Variants in CXCL17 observed in about 807,000 individuals in gnomAD.
CXCL17 encodes the protein C-X-C motif chemokine ligand 17, also known as C-X-C motif chemokine 17.
A neutral mutation model predicts 15.5 loss-of-function variants in CXCL17; 9 were observed. The observed-to-expected ratio is 0.58, with a 90% CI of 0.35 to 1.01. The LOEUF (loss-of-function observed/expected upper bound fraction) is 1.01. Among genes scored for constraint, CXCL17 ranks in the 50% least tolerant of loss-of-function variants. The pLI is 0.02. For synonymous variants in CXCL17, 52 were observed against 52.3 expected, an observed-to-expected ratio of 0.99 and a Z score of 0.02; for missense variants, 133 against 138.2, an observed-to-expected ratio of 0.96 and a Z score of 0.19.
chr19:42,433,432 T>A (rs2040803117), intron 2 of CXCL17, among the ~76,000 whole-genome samples: 1 of 152,212 alleles, frequency 6.6e-6, no homozygotes, highest in Non-Finnish European at 1.5e-5. Context: ...GCTTTCAGTC[T>A]TGCCTGTGAG....
Position 42,432,306 on chromosome 19 carries a change from C to T in CXCL17, c.262+670G>A, listed in dbSNP as rs147697219. Among the ~76,000 whole-genome samples the T allele has an allele frequency of 5.4e-3, 822 of 151,804 alleles. 7 individuals are homozygous for T. Among genetic ancestry groups the T allele is most frequent in the African/African-American group, 0.019 (769 of 41,416 alleles). On this transcript the variant is annotated intron_variant, in intron 3 of 3. Coordinates refer to ENST00000601181, the MANE Select transcript of CXCL17 (RefSeq NM_198477.3). ...ATTACAGGCATGCACCACTATGCCCCGCTAATTTTTGTATTTTTAGTAGAG... is the reference window on the plus strand; with the variant it reads ...ATTACAGGCATGCACCACTATGCCCTGCTAATTTTTGTATTTTTAGTAGAG...
At chr19:42,432,142 T>G (rs74935566) in intron 3 of CXCL17, among the ~76,000 whole-genome samples, 2 of 19,934 alleles carry the variant, frequency 1.0e-4, no homozygotes, top group Non-Finnish European at 1.6e-4. Context: ...GCCAATTTAG[T>G]TTTTTTTTTT....
intron 3 of CXCL17, among the ~76,000 whole-genome samples, chr19:42,432,355 G>A (rs1419098134): frequency 6.6e-6 from 1 of 151,922 alleles, no homozygotes; most frequent in African/African-American, 2.4e-5. Context: ...ATGTTGGCCA[G>A]GCTGGTCTTG....
chr19:42,434,780 T>C (rs1291830069), intron 1 of CXCL17, among the ~76,000 whole-genome samples: 3 of 152,248 alleles, frequency 2.0e-5, no homozygotes, highest in Middle Eastern at 6.8e-3. Context: ...TAAACGATGG[T>C]ATTTACCTTT....
At chr19:42,438,336 C>T (rs113326523) in intron 1 of CXCL17, among the ~76,000 whole-genome samples, 8,149 of 101,994 alleles carry the variant, frequency 0.08, 965 homozygotes, top group African/African-American at 0.29. Context: ...CCAGCCTGGG[C>T]GACAAGAGAC....
chr19:42,429,337 A>AT (rs1047045603), intron 3 of CXCL17, among the ~76,000 whole-genome samples: 3 of 136,808 alleles, frequency 2.2e-5, no homozygotes, highest in Non-Finnish European at 4.7e-5. Flanking sequence ...TTCACATTTA[A>AT]TTTTTTTTTG....
intron 3 of CXCL17, among the ~76,000 whole-genome samples, chr19:42,431,689 A>T (rs1035387577): frequency 8.7e-5 from 13 of 149,248 alleles, no homozygotes; most frequent in African/African-American, 1.5e-4. Flanking sequence ...TATTATTATT[A>T]TTTTTATTAT....
At chr19:42,434,589 TG>T (rs2040814836) in intron 1 of CXCL17, among the ~76,000 whole-genome samples, 1 of 152,018 alleles carries the variant, frequency 6.6e-6, no homozygotes, top group African/African-American at 2.4e-5. Flanking sequence ...CCACCACTCC[TG>T]GCTAGTTTTT....
intron 1 of CXCL17, among the ~76,000 whole-genome samples, chr19:42,435,754 C>T (rs989967367): frequency 2.0e-5 from 3 of 151,040 alleles, no homozygotes; most frequent in Non-Finnish European, 4.4e-5. Context: ...TGCTTGAACC[C>T]GGGAGGCAAA....
chr19:42,432,840 A>G (rs1423270125), intron 3 of CXCL17, 136 bp downstream of exon 3: 1 of 685,108 alleles, frequency 1.5e-6, no homozygotes, highest in Non-Finnish European at 2.6e-6. Context: ...ACAAGGTGAC[A>G]TTGAGTAGAA....
intron 1 of CXCL17, 118 bp downstream of exon 1, chr19:42,442,636 G>A (rs1366327544): frequency 1.5e-6 from 1 of 687,790 alleles, no homozygotes; most frequent in Non-Finnish European, 2.5e-6. Context: ...AACTGGCATT[G>A]AGAAAGGCTC....
At chr19:42,438,406 A>AT (rs1491327567) in intron 1 of CXCL17, among the ~76,000 whole-genome samples, 38 of 107,098 alleles carry the variant, frequency 3.5e-4, no homozygotes, top group African/African-American at 1.5e-3. Flanking sequence ...ATATATATAT[A>AT]AAATACACAC....
Position 42,433,060 on chromosome 19 carries a change from G to A in CXCL17, c.178C>T (p.Pro60Ser). ...CECKDWFLRA[P>S]RRKFMTVSGL... ...GACACTGTCATGAATTTTCTTCTCG[G>A]GGCTCTCAGGAACCAATCTGGAACA... Residue 60 changes from proline to serine, a missense_variant, in exon 3 of 4, where the codon CCG becomes TCG. Physicochemically the swap from Pro to Ser is moderately conservative, Grantham distance 74. Coordinates refer to ENST00000601181, the MANE Select transcript of CXCL17 (RefSeq NM_198477.3). The A allele has an allele frequency of 6.2e-7, 1 of 1,613,744 alleles. No individual in the cohort carries two copies.
At chr19:42,431,232 A>G (rs1278355914) in intron 3 of CXCL17, among the ~76,000 whole-genome samples, 1 of 152,232 alleles carries the variant, frequency 6.6e-6, no homozygotes, top group African/African-American at 2.4e-5. Context: ...TCATCTGTGA[A>G]GTGGCTATTC....
intron 1 of CXCL17, among the ~76,000 whole-genome samples, chr19:42,438,478 T>G (rs888012589): frequency 6.7e-6 from 1 of 149,522 alleles, no homozygotes; most frequent in East Asian, 1.9e-4. Flanking sequence ...GGTCTCTCTC[T>G]CTCTTTGTCT....
intron 1 of CXCL17, 91 bp downstream of exon 1, chr19:42,442,663 A>G (rs1324952329): frequency 3.3e-6 from 3 of 903,218 alleles, no homozygotes; most frequent in Admixed American, 2.0e-5. Context: ...CCCATCCCCC[A>G]TAGCTAAGAG....
intron 1 of CXCL17, among the ~76,000 whole-genome samples, chr19:42,436,536 A>G (rs1400049169): frequency 1.3e-5 from 2 of 152,140 alleles, no homozygotes; most frequent in African/African-American, 4.8e-5. Flanking sequence ...AAATTTTGAA[A>G]GTACAAACAG....
At chr19:42,442,468 T>C (rs1293663259) in intron 1 of CXCL17, among the ~76,000 whole-genome samples, 5 of 152,062 alleles carry the variant, frequency 3.3e-5, no homozygotes, top group Admixed American at 3.3e-4. Flanking sequence ...CTCCTGACCT[T>C]GTAATCCGCC....
chr19:42,433,095 CT>C lies in CXCL17; in HGVS notation c.161-19del. On this transcript the variant is annotated intron_variant, in intron 2 of 3. Transcript: ENST00000601181. ...GAACCAATCTGGAACAACAGCATTGCTGCTTAGATGGGAGAGTTAATACATT... is the reference window on the plus strand; with the variant it reads ...GAACCAATCTGGAACAACAGCATTGCGCTTAGATGGGAGAGTTAATACATT... 1 of 1,557,684 alleles carries C rather than the reference CT, an allele frequency of 6.4e-7. No homozygotes were observed. The highest frequency in any genetic ancestry group is 8.9e-7 in the Non-Finnish European group (1 of 1,129,742).
Sources: gnomAD v4.1 joint callset for allele counts (sites outside exome capture counted in the v4.1 genomes callset) on GRCh38, gnomAD v4.1.1 for gene constraint, MANE v1.5 for transcripts, NCBI Gene and HGNC (gene_info 2026-07-23, HGNC 2026-07-21) for gene names.